ST3GAL3: variants seen among roughly 807,000 people sequenced by gnomAD.
ST3GAL3 encodes CMP-N-acetylneuraminate-beta-1,4-galactoside alpha-2,3-sialyltransferase.
ST3GAL3 carries 21 observed loss-of-function variants against 50.1 expected under a neutral mutation model. The observed-to-expected ratio is 0.42, with a 90% CI of 0.30 to 0.60. The LOEUF is 0.60. Ranked by LOEUF, ST3GAL3 falls within the 20% of genes least tolerant of loss-of-function variation. The pLI is 0.19. For missense variants in ST3GAL3, 353 were observed against 489.4 expected (o/e 0.72, Z 2.63); for synonymous variants, 183 against 190.0 (o/e 0.96, Z 0.30).
intron 5 of ST3GAL3, among the ~76,000 whole-genome samples, chr1:43,847,821 T>A (rs1271890523): frequency 6.6e-6 from 1 of 152,236 alleles, no homozygotes; most frequent in Non-Finnish European, 1.5e-5. Flanking sequence ...TTTAAAAGTT[T>A]TTTTAATGAG....
intron 5 of ST3GAL3, among the ~76,000 whole-genome samples, chr1:43,866,682 A>G (rs963013746): frequency 6.6e-6 from 1 of 152,136 alleles, no homozygotes; most frequent in Non-Finnish European, 1.5e-5. Context: ...AACATGATGC[A>G]CATAAGGACA....
intron 5 of ST3GAL3, among the ~76,000 whole-genome samples, chr1:43,888,586 AC>A (rs1310483355): frequency 3.3e-5 from 5 of 152,306 alleles, no homozygotes; most frequent in East Asian, 1.9e-4. Context: ...GAAGAAAAAA[AC>A]AATACCTAAA....
rs1369132004 is a variant in ST3GAL3, at chr1:43,781,255, T to C, written c.119-10847T>C. ...TCTAAATCAGGTCAGCAAACTGTGGTTCCTATGCCAGATCTAGCCCACAGC... is the reference window on the plus strand; with the variant it reads ...TCTAAATCAGGTCAGCAAACTGTGGCTCCTATGCCAGATCTAGCCCACAGC... On this transcript the variant is annotated intron_variant, in intron 2 of 11. Transcript: ENST00000347631. 5.3e-5 allele frequency among the ~76,000 whole-genome samples: 8 copies of C among 152,168 alleles called. 1 individual carries two copies. The highest frequency in any genetic ancestry group is 1.2e-4 in the Non-Finnish European group (8 of 68,028).
chr1:43,892,117 A>G (rs1404266936), intron 5 of ST3GAL3, among the ~76,000 whole-genome samples: 1 of 152,120 alleles, frequency 6.6e-6, no homozygotes, highest in African/African-American at 2.4e-5. Flanking sequence ...TAATTTTTGT[A>G]TTTTTAGCAG....
chr1:43,747,215 C>T (rs892822098), intron 2 of ST3GAL3, among the ~76,000 whole-genome samples: 3 of 152,260 alleles, frequency 2.0e-5, no homozygotes, highest in East Asian at 3.9e-4. Context: ...CGAGAGCAGC[C>T]TGGCCAGCAT....
chr1:43,775,926 T>G (rs193299136), intron 2 of ST3GAL3, among the ~76,000 whole-genome samples: 34 of 152,352 alleles, frequency 2.2e-4, no homozygotes, highest in African/African-American at 8.2e-4. Flanking sequence ...GAAGGAGATT[T>G]GTCCACAGTC....
chr1:43,827,433 C>T (rs1312184785), intron 4 of ST3GAL3, among the ~76,000 whole-genome samples: 1 of 152,100 alleles, frequency 6.6e-6, no homozygotes, highest in Admixed American at 6.6e-5. Context: ...AACTACAAAA[C>T]TCTAATGAAA....
chr1:43,882,184 C>T (rs810680), intron 5 of ST3GAL3, among the ~76,000 whole-genome samples: 87,197 of 152,096 alleles, frequency 0.57, 28,965 homozygotes, highest in Non-Finnish European at 0.75. Context: ...ATGCTGCAGT[C>T]CAGTCTTGAG....
intron 5 of ST3GAL3, chr1:43,879,044 G>A (rs768948673): frequency 2.0e-5 from 9 of 456,120 alleles, no homozygotes; most frequent in Non-Finnish European, 4.0e-5. Flanking sequence ...AAGAGAAGAT[G>A]ACATGTTAGA....
At chr1:43,837,423 A>G (rs78656836) in intron 4 of ST3GAL3, among the ~76,000 whole-genome samples, 3,728 of 152,316 alleles carry the variant, frequency 0.024, 80 homozygotes, top group Non-Finnish European at 0.039. Context: ...TATCGTGTCT[A>G]TATTCGGTCA....
chr1:43,729,602 AC>A (rs1326164383), intron 1 of ST3GAL3, among the ~76,000 whole-genome samples: 1 of 151,530 alleles, frequency 6.6e-6, no homozygotes, highest in African/African-American at 2.4e-5. Flanking sequence ...CTCCCCTTTC[AC>A]CCCAGGCATG....
At chr1:43,721,071 C>A (rs1488907260) in intron 1 of ST3GAL3, among the ~76,000 whole-genome samples, 1 of 151,828 alleles carries the variant, frequency 6.6e-6, no homozygotes, top group Non-Finnish European at 1.5e-5. Context: ...CATAATGAGA[C>A]CCTTGTCTCT....
At chr1:43,773,946 T>A (rs965134952) in intron 2 of ST3GAL3, among the ~76,000 whole-genome samples, 21 of 152,134 alleles carry the variant, frequency 1.4e-4, no homozygotes, top group Admixed American at 1.2e-3. Context: ...AATTTGATCA[T>A]TTAAAAAAAT....
chr1:43,712,320 CT>C (rs909383062), intron 1 of ST3GAL3, among the ~76,000 whole-genome samples: 1 of 152,166 alleles, frequency 6.6e-6, no homozygotes, highest in African/African-American at 2.4e-5. Context: ...ATTTCCCCAC[CT>C]TTTTTCTCCC....
chr1:43,907,826 C>T (rs1285421488), intron 9 of ST3GAL3, among the ~76,000 whole-genome samples: 1 of 152,104 alleles, frequency 6.6e-6, no homozygotes, highest in East Asian at 1.9e-4. Context: ...AAAATAAAAG[C>T]CCTCTCTTTA....
intron 4 of ST3GAL3, among the ~76,000 whole-genome samples, chr1:43,826,275 A>G (rs778112156): frequency 1.3e-5 from 2 of 152,268 alleles, no homozygotes; most frequent in Middle Eastern, 3.4e-3. Flanking sequence ...AAGAAAAAGG[A>G]TAATAAAAGA....
chr1:43,892,630 C>A (rs911156975), intron 5 of ST3GAL3, among the ~76,000 whole-genome samples: 2 of 151,754 alleles, frequency 1.3e-5, no homozygotes, highest in African/African-American at 2.4e-5. Flanking sequence ...ACTTTCCAAT[C>A]ATCTGAATAA....
intron 3 of ST3GAL3, among the ~76,000 whole-genome samples, chr1:43,800,664 A>G (rs1047489735): frequency 1.3e-5 from 2 of 152,192 alleles, no homozygotes; most frequent in African/African-American, 4.8e-5. Flanking sequence ...TCCCCTGTCT[A>G]AACCTCTCTT....
rs1558521072 is a variant in ST3GAL3 at position 43,838,200 on chromosome 1, T to A, written c.210-19T>A. 1 of 1,601,040 alleles carries A rather than the reference T, an allele frequency of 6.2e-7. No individual in the cohort carries two copies. Among genetic ancestry groups the A allele is most frequent in the Non-Finnish European group, 8.5e-7 (1 of 1,171,924 alleles). On this transcript the variant is annotated intron_variant, in intron 4 of 11. Transcript: ENST00000347631. ...TGCTCAGTGCCTGGCAAGCTGTAAC[T>A]TTCCTTCTCTTCCCATAGGCCTGCT...
Sources: allele counts gnomAD v4.1 joint callset (sites outside exome capture counted in the v4.1 genomes callset), GRCh38; gene constraint gnomAD v4.1.1; transcripts MANE v1.5; gene names NCBI Gene and HGNC (gene_info 2026-07-23, HGNC 2026-07-21).